The following ENPP6 variants were observed in gnomAD, a reference collection of about 807,000 sequenced individuals.
The protein encoded by ENPP6 is glycerophosphocholine cholinephosphodiesterase ENPP6.
Under a neutral mutation model 42.0 loss-of-function variants are expected in ENPP6, and 32 were observed. That is an observed-to-expected ratio of 0.76 (90% CI 0.58 to 1.02). The LOEUF is 1.02. Ranked by LOEUF, ENPP6 falls within the 50% of genes least tolerant of loss-of-function variation. The probability of loss-of-function intolerance (pLI) is 0.00; values close to 1 mark genes in which losing one functional copy is unlikely to be tolerated. For synonymous variants in ENPP6, 213 were observed against 216.0 expected (o/e 0.99, Z 0.12); for missense variants, 552 against 566.8 (o/e 0.97, Z 0.27).
chr4:184,105,110 C>G (rs1197467611), intron 6 of ENPP6, among the ~76,000 whole-genome samples: 1 of 152,166 alleles, frequency 6.6e-6, no homozygotes, highest in East Asian at 1.9e-4. Flanking sequence ...TCCCTGACCA[C>G]TAAATTCCCA....
intron 5 of ENPP6, among the ~76,000 whole-genome samples, chr4:184,116,050 CT>C (rs1226137135): frequency 1.3e-5 from 2 of 150,116 alleles, no homozygotes; most frequent in Non-Finnish European, 3.0e-5. Context: ...CCCGTCTCTA[CT>C]AAAAAAAAAA....
intron 1 of ENPP6, among the ~76,000 whole-genome samples, chr4:184,156,878 C>T (rs934592000): frequency 6.6e-6 from 1 of 152,234 alleles, no homozygotes; most frequent in African/African-American, 2.4e-5. Context: ...AACTTCTGCA[C>T]CATGTTATAT....
intron 2 of ENPP6, among the ~76,000 whole-genome samples, chr4:184,137,671 C>A (rs1023972687): frequency 1.3e-4 from 20 of 152,082 alleles, no homozygotes; most frequent in Admixed American, 1.1e-3. Context: ...AAGGCTTGCC[C>A]CTTGTCTATT....
chr4:184,183,141 G>A (rs564868132), intron 1 of ENPP6, among the ~76,000 whole-genome samples: 1 of 152,204 alleles, frequency 6.6e-6, no homozygotes, highest in Non-Finnish European at 1.5e-5. Flanking sequence ...ATAGCACAAT[G>A]TTTGCCTGCA....
chr4:184,165,482 G>C (rs1737333366), intron 1 of ENPP6, among the ~76,000 whole-genome samples: 1 of 152,164 alleles, frequency 6.6e-6, no homozygotes, highest in Non-Finnish European at 1.5e-5. Context: ...AGTTCACCAG[G>C]GCTTGCCGTT....
At position 184,215,039 on chromosome 4, in the gene ENPP6, T is replaced by A. The variant is rs370142631; in HGVS notation, c.241+2540A>T. 3.8e-4 allele frequency among the ~76,000 whole-genome samples: 58 copies of A among 152,330 alleles called. No homozygotes were observed. In the Middle Eastern group the frequency reaches 0.024, roughly 63 times the overall value. On this transcript the variant is annotated intron_variant, in intron 1 of 7. Coordinates refer to ENST00000296741, the MANE Select transcript of ENPP6 (RefSeq NM_153343.4). ...TCCCCATGCATTGCCTAGTTCTATG[T>A]CTGCATCCAGCAGCACCTGAAATCC...
chr4:184,101,745 T>C (rs1042582072), intron 6 of ENPP6, among the ~76,000 whole-genome samples: 31 of 152,166 alleles, frequency 2.0e-4, no homozygotes, highest in Non-Finnish European at 4.6e-4. Flanking sequence ...AGGTAACATC[T>C]TCACCCAGGG....
chr4:184,097,157 C>T, intron 7 of ENPP6, 88 bp downstream of exon 7: 1 of 1,569,206 alleles, frequency 6.4e-7, no homozygotes, highest in Non-Finnish European at 8.7e-7. Context: ...AAGGAAATCC[C>T]TGCAGCCTCT....
chr4:184,180,735 C>G (rs1314066190), intron 1 of ENPP6, among the ~76,000 whole-genome samples: 1 of 152,148 alleles, frequency 6.6e-6, no homozygotes, highest in Non-Finnish European at 1.5e-5. Context: ...TAATTCATCA[C>G]ATAAACAGAA....
intron 1 of ENPP6, among the ~76,000 whole-genome samples, chr4:184,168,467 G>C (rs1169447790): frequency 6.6e-6 from 1 of 152,190 alleles, no homozygotes; most frequent in African/African-American, 2.4e-5. Flanking sequence ...GCAGCACCAC[G>C]TTGCATCTGC....
Position 184,097,248 on chromosome 4 carries a change from G to A in ENPP6, c.1114C>T (p.Pro372Ser). 1.2e-6 allele frequency: 2 copies of A among 1,614,156 alleles called. No individual in the cohort carries two copies. The highest frequency in any genetic ancestry group is 1.7e-6 in the Non-Finnish European group (2 of 1,180,024). Residue 372 changes from proline to serine, a missense_variant, in exon 7 of 8, where the codon CCT (proline) becomes TCT (serine). Coordinates refer to ENST00000296741, the MANE Select transcript of ENPP6 (RefSeq NM_153343.4). ...DMRGIFLAFG[P>S]DFKSNFRAAP... The stretch of plus-strand genomic sequence containing the variant: ...ATCTGGTCATTTCCTCGCCTACCAG[G>A]TCCGAAGGCCAGGAAGATGCCCCGC...
At chr4:184,120,891 G>A (rs1191402939) in intron 3 of ENPP6, among the ~76,000 whole-genome samples, 1 of 152,210 alleles carries the variant, frequency 6.6e-6, no homozygotes, top group African/African-American at 2.4e-5. Flanking sequence ...TCAGGGTAGA[G>A]GACTGAGGAG....
chr4:184,108,707 T>C (rs1389521731), intron 6 of ENPP6, among the ~76,000 whole-genome samples: 1 of 146,404 alleles, frequency 6.8e-6, no homozygotes, highest in Non-Finnish European at 1.5e-5. Flanking sequence ...TTAAGATCTT[T>C]AGTCTAGGAA....
At chr4:184,157,328 C>G (rs545676731) in intron 1 of ENPP6, among the ~76,000 whole-genome samples, 1 of 152,364 alleles carries the variant, frequency 6.6e-6, no homozygotes, top group South Asian at 2.1e-4. Context: ...CAGCATCCTT[C>G]CGTCTATCAC....
chr4:184,155,596 C>A (rs1737144295), intron 1 of ENPP6, among the ~76,000 whole-genome samples: 1 of 152,146 alleles, frequency 6.6e-6, no homozygotes, highest in African/African-American at 2.4e-5. Flanking sequence ...CCAGGGATAT[C>A]AGACATGGGA....
chr4:184,109,234 A>AAC (rs1736159013), intron 6 of ENPP6, among the ~76,000 whole-genome samples: 3 of 107,690 alleles, frequency 2.8e-5, no homozygotes, highest in Non-Finnish European at 6.1e-5. Context: ...CAACAACAAC[A>AAC]AAAAAAAACA....
chr4:184,195,601 C>T (rs955041126), intron 1 of ENPP6, among the ~76,000 whole-genome samples: 17 of 152,172 alleles, frequency 1.1e-4, no homozygotes, highest in African/African-American at 4.1e-4. Context: ...TTCCCCGTCC[C>T]CACAGCCCCT....
At chr4:184,168,856 G>T (rs990385385) in intron 1 of ENPP6, among the ~76,000 whole-genome samples, 1 of 152,188 alleles carries the variant, frequency 6.6e-6, no homozygotes, top group Admixed American at 6.5e-5. Flanking sequence ...ACCTGGAGCC[G>T]GGGCCTTGCC....
At chr4:184,118,094 T>A (rs1421434154) in intron 3 of ENPP6, among the ~76,000 whole-genome samples, 194 bp from the exon 4 acceptor site, 1 of 152,252 alleles carries the variant, frequency 6.6e-6, no homozygotes, top group Non-Finnish European at 1.5e-5. Context: ...GAATTGCTGG[T>A]CCTGAGCAAT....
Sources: gnomAD v4.1 joint callset for allele counts (sites outside exome capture counted in the v4.1 genomes callset) on GRCh38, gnomAD v4.1.1 for gene constraint, MANE v1.5 for transcripts, NCBI Gene and HGNC (gene_info 2026-07-23, HGNC 2026-07-21) for gene names.